GSTA1: variants seen among roughly 807,000 people sequenced by gnomAD.
GSTA1 encodes glutathione S-transferase A1.
GSTA1 carries 23 observed loss-of-function variants against 21.5 expected under a neutral mutation model. The observed-to-expected ratio is 1.07, with a 90% confidence interval of 0.77 to 1.52. The LOEUF is 1.52. Among genes scored for constraint, GSTA1 ranks in the 40% most tolerant of loss-of-function variants. The pLI is 0.00. For synonymous variants in GSTA1, 125 were observed against 90.0 expected (o/e 1.39, Z -2.20); for missense variants, 301 against 264.2 (o/e 1.14, Z -0.96).
At chr6:52,803,406 C>G (rs1561916830) in intron 1 of GSTA1, among the ~76,000 whole-genome samples, 1 of 152,152 alleles carries the variant, frequency 6.6e-6, no homozygotes, top group Non-Finnish European at 1.5e-5. Context: ...ATTACAGTGT[C>G]ACAATTTACA....
Position 52,794,207 on chromosome 6 carries a change from A to C in GSTA1, c.332T>G (p.Val111Gly). 6.2e-7 allele frequency: 1 copy of C among 1,613,842 alleles called. No homozygotes were observed. The highest frequency in any genetic ancestry group is 8.5e-7 in the Non-Finnish European group (1 of 1,179,686). ...DLGEMILLLP[V>G]CPPEEKDAKL... ...GGCATCTTTTTCCTCAGGTGGACAT[A>C]CGGGCAGAAGGAGGATCATTTCACC... is the stretch of plus-strand genomic sequence containing the variant. Residue 111 changes from valine (V) to glycine (G), a missense_variant, in exon 5 of 7, where the codon GTA (valine) becomes GGA (glycine). Val to Gly is a moderately radical substitution (Grantham distance 109). Transcript: ENST00000334575.
At position 52,791,484 on chromosome 6, in the gene GSTA1, C is replaced by T. The variant is rs973672264; in HGVS notation, c.*374G>A. ...GATGGTAACTCTTCTCCTGTGCATA[C>T]CTGAAAATGTCAGAAGTGCATTTCT... is the stretch of plus-strand genomic sequence containing the variant. On this transcript the variant is annotated 3_prime_UTR_variant, in exon 7 of 7. Transcript: ENST00000334575. Among the ~76,000 whole-genome samples the T allele has an allele frequency of 6.6e-5, 10 of 152,202 alleles. No individual in the cohort carries two copies. The highest frequency in any genetic ancestry group is 4.6e-4 in the Admixed American group (7 of 15,274).
At chr6:52,796,383 G>A (rs1255039813) in intron 3 of GSTA1, 69 bp from the exon 4 acceptor site, 5 of 1,589,378 alleles carry the variant, frequency 3.1e-6, no homozygotes, top group Admixed American at 1.8e-5. Flanking sequence ...TGAACAAATG[G>A]TTGTGGAAAT....
At position 52,791,850 on chromosome 6, in the gene GSTA1, C is replaced by T; in HGVS notation, c.*8G>A. 1 of 1,614,012 alleles carries T rather than the reference C, an allele frequency of 6.2e-7. No individual in the cohort carries two copies. The highest frequency in any genetic ancestry group is 8.5e-7 in the Non-Finnish European group (1 of 1,179,890). On this transcript the variant is annotated 3_prime_UTR_variant, in exon 7 of 7. Transcript: ENST00000334575. ...TATTGCAAGTTCTTGGCCTCCATGA[C>T]TGCGTTATTAAAACCTGAAAATCTT...
At chr6:52,801,140 CG>C (rs1469172443) in intron 1 of GSTA1, among the ~76,000 whole-genome samples, 1 of 152,144 alleles carries the variant, frequency 6.6e-6, no homozygotes, top group Non-Finnish European at 1.5e-5. Flanking sequence ...CTCAGCCTCC[CG>C]AAGTGCTGGG....
At chr6:52,792,441 A>C (rs1173931869) in intron 6 of GSTA1, among the ~76,000 whole-genome samples, 1 of 152,184 alleles carries the variant, frequency 6.6e-6, no homozygotes, top group Non-Finnish European at 1.5e-5. Flanking sequence ...AGAGCTGTGC[A>C]GAGAGGAACA....
chr6:52,795,473 G>A (rs761415968), intron 4 of GSTA1, among the ~76,000 whole-genome samples: 7 of 151,988 alleles, frequency 4.6e-5, no homozygotes, highest in Non-Finnish European at 8.8e-5. Context: ...GATTATTTGG[G>A]GATATACCTG....
chr6:52,795,579 C>T (rs1763557295), intron 4 of GSTA1, among the ~76,000 whole-genome samples: 2 of 152,108 alleles, frequency 1.3e-5, no homozygotes, highest in African/African-American at 4.8e-5. Context: ...CATGCAGTCT[C>T]ATCACAACAG....
At position 52,796,495 on chromosome 6, in the gene GSTA1, G is replaced by A. The variant is rs1243244055; in HGVS notation, c.140-181C>T. Among the ~76,000 whole-genome samples, 3 of 11,492 alleles carry A rather than the reference G, an allele frequency of 2.6e-4. No homozygotes were observed. The African/African-American group carries it at 2.8e-3, about 11-fold the overall frequency. 7.5% of individuals were successfully genotyped at this position (11,492 alleles called of 152,430 possible). On this transcript the variant is annotated intron_variant, in intron 3 of 6. Transcript: ENST00000334575. ...TATATATATATATATATATATGTGT[G>A]TGTGTGTGTGTGTGTGTGTGTGTGT...
chr6:52,796,543 A>ATATATATATATATATATATATATTTT (rs1300549721), intron 3 of GSTA1, among the ~76,000 whole-genome samples: 2 of 23,760 alleles, frequency 8.4e-5, no homozygotes, highest in African/African-American at 2.1e-4. Flanking sequence ...ATATATATAT[A>ATATATATATATATATATATATATTTT]TTTTTTTTTT....
intron 3 of GSTA1, 29 bp from the exon 4 acceptor site, chr6:52,796,343 G>A (rs761960746): frequency 1.2e-5 from 19 of 1,613,440 alleles, no homozygotes; most frequent in Admixed American, 1.2e-4. Flanking sequence ...AAAGGAGAGT[G>A]AAGTGTCTAT....
rs191464536 is a variant in GSTA1, at chr6:52,795,339, G to A, written c.272+843C>T. Among the ~76,000 whole-genome samples the A allele has an allele frequency of 6.6e-5, 10 of 152,226 alleles. No homozygotes were observed. In the East Asian group the frequency reaches 1.9e-3, roughly 29 times the overall value. ...AAATATCTTTCCATTGCATGGCTAA[G>A]GCACATTTTTCTCCTTCATTTATTG... On this transcript the variant is annotated intron_variant, in intron 4 of 6. Coordinates refer to ENST00000334575, the MANE Select transcript of GSTA1 (RefSeq NM_145740.5).
chr6:52,793,513 G>A (rs189656331), intron 5 of GSTA1, among the ~76,000 whole-genome samples: 699 of 152,236 alleles, frequency 4.6e-3, no homozygotes, highest in Non-Finnish European at 7.7e-3. Context: ...GGGTGAACCT[G>A]AATTCATCTT....
At chr6:52,797,515 C>G in intron 3 of GSTA1, 71 bp downstream of exon 3, 1 of 1,148,742 alleles carries the variant, frequency 8.7e-7, no homozygotes, top group Middle Eastern at 2.0e-4. Context: ...TAGACATTGC[C>G]GGCTGCGCAA....
At chr6:52,800,350 T>C (rs918591080) in intron 1 of GSTA1, among the ~76,000 whole-genome samples, 16 of 152,226 alleles carry the variant, frequency 1.1e-4, no homozygotes, top group African/African-American at 3.9e-4. Context: ...TCTATGTTAG[T>C]GTTTCTGAAA....
intron 6 of GSTA1, among the ~76,000 whole-genome samples, chr6:52,792,251 C>G (rs565452376): frequency 1.2e-4 from 19 of 152,238 alleles, no homozygotes; most frequent in African/African-American, 4.3e-4. Context: ...ATTAGTGACT[C>G]TTGTATAAGA....
intron 1 of GSTA1, among the ~76,000 whole-genome samples, chr6:52,801,065 G>A (rs1763704752): frequency 6.6e-6 from 1 of 152,096 alleles, no homozygotes; most frequent in African/African-American, 2.4e-5. Flanking sequence ...ATTTTTAGTG[G>A]AGACAGGGTT....
intron 3 of GSTA1, 50 bp from the exon 4 acceptor site, chr6:52,796,364 C>T (rs1763582412): frequency 1.9e-6 from 3 of 1,609,798 alleles, no homozygotes; most frequent in Non-Finnish European, 2.5e-6. Context: ...GAAACCCACC[C>T]TTTTGGGATG....
Position 52,791,636 on chromosome 6 carries a change from G to A in GSTA1, c.*222C>T, listed in dbSNP as rs186393312. On this transcript the variant is annotated 3_prime_UTR_variant, in exon 7 of 7. Transcript: ENST00000334575. ...ATTTTTAATTCCAGGAAAATGGTTG[G>A]CTAGGAGAAGATTGGAAATCTGAAT... The A allele has an allele frequency of 2.2e-5, 11 of 489,192 alleles. No individual in the cohort carries two copies. In the East Asian group the frequency reaches 3.4e-4, roughly 15 times the overall value. 30.3% of individuals were successfully genotyped at this position (489,192 alleles called of 1,614,324 possible).
Sources: allele counts gnomAD v4.1 joint callset (sites outside exome capture counted in the v4.1 genomes callset), GRCh38; gene constraint gnomAD v4.1.1; transcripts MANE v1.5; gene names NCBI Gene and HGNC (gene_info 2026-07-23, HGNC 2026-07-21).